CDC25A: variants seen among roughly 807,000 people sequenced by gnomAD.
The protein encoded by CDC25A is cell division cycle 25A.
CDC25A carries 17 observed loss-of-function variants against 64.6 expected under a neutral mutation model. The ratio of observed to expected loss-of-function variants is 0.26; its 90% CI spans 0.18 to 0.39. The LOEUF (loss-of-function observed/expected upper bound fraction) is 0.39, where lower values mean the gene tolerates loss of function less well. CDC25A is among the 10% of genes least tolerant of loss of function. The pLI, the probability that CDC25A is intolerant of heterozygous loss-of-function variation, is 1.00. For synonymous variants in CDC25A, 229 were observed against 238.6 expected (o/e 0.96, Z 0.37); for missense variants, 473 against 654.8 (o/e 0.72, Z 3.03).
chr3:48,163,472 C>T (rs1424715020), intron 13 of CDC25A, among the ~76,000 whole-genome samples: 2 of 149,934 alleles, frequency 1.3e-5, no homozygotes, highest in Non-Finnish European at 3.0e-5. Flanking sequence ...GGCGTGATGG[C>T]GCATGCCTGT....
At chr3:48,175,989 A>C (rs1232801215) in intron 8 of CDC25A, among the ~76,000 whole-genome samples, 1 of 152,140 alleles carries the variant, frequency 6.6e-6, no homozygotes, top group Non-Finnish European at 1.5e-5. Flanking sequence ...ACATAGTGAA[A>C]CCTCGTCTCT....
At chr3:48,160,211 C>T (rs972038210) in intron 13 of CDC25A, among the ~76,000 whole-genome samples, 1 of 152,104 alleles carries the variant, frequency 6.6e-6, no homozygotes, top group Non-Finnish European at 1.5e-5. Flanking sequence ...CTCCCGGGTT[C>T]AAGCAATTCT....
intron 9 of CDC25A, among the ~76,000 whole-genome samples, chr3:48,168,359 T>TCCAC (rs1553768353): frequency 2.0e-5 from 1 of 49,868 alleles, no homozygotes; most frequent in Non-Finnish European, 3.7e-5. Flanking sequence ...CAAGACCCTG[T>TCCAC]CCACACACAC....
At position 48,159,392 on chromosome 3, in the gene CDC25A, C is replaced by T; in HGVS notation, c.1386G>A (p.Glu462=). Residue 462 remains glutamate, a synonymous_variant, in exon 14 of 15, where the codon GAG becomes GAA. Transcript: ENST00000302506. Reference sequence around the variant, plus strand: ...TGTATCCCCCCTTCAGGACATACAGCTCAGGGTAGTGGAGTTTGGGGTATT... The same window carrying T: ...TGTATCCCCCCTTCAGGACATACAGTTCAGGGTAGTGGAGTTTGGGGTATT... ...GNEYPKLHYP[E]LYVLKGGYKE... 1 of 1,614,056 alleles carries T rather than the reference C, an allele frequency of 6.2e-7. No individual in the cohort carries two copies. The highest frequency in any genetic ancestry group is 8.5e-7 in the Non-Finnish European group (1 of 1,179,968).
intron 8 of CDC25A, among the ~76,000 whole-genome samples, chr3:48,175,197 T>C (rs1247462727): frequency 2.0e-5 from 3 of 152,138 alleles, no homozygotes; most frequent in Non-Finnish European, 2.9e-5. Flanking sequence ...CCCAGGAGGC[T>C]GAGGCACGAG....
At chr3:48,164,462 G>T (rs2031918007) in intron 12 of CDC25A, 25 bp from the exon 13 acceptor site, 1 of 1,486,192 alleles carries the variant, frequency 6.7e-7, no homozygotes, top group South Asian at 1.4e-5. Flanking sequence ...GAGACCCTTG[G>T]AACCTGCACG....
intron 2 of CDC25A, among the ~76,000 whole-genome samples, 182 bp from the exon 3 acceptor site, chr3:48,184,877 CAA>C (rs1156780846): frequency 1.3e-5 from 2 of 152,056 alleles, no homozygotes; most frequent in South Asian, 2.1e-4. Context: ...CATGTTTGTA[CAA>C]GTCTTAATAT....
rs2032916686 is a variant in CDC25A, at chr3:48,188,091, G to A, written c.-144C>T. The A allele has an allele frequency of 1.6e-6, 1 of 622,900 alleles. No homozygotes were observed. Among genetic ancestry groups the A allele is most frequent in the Non-Finnish European group, 2.3e-6 (1 of 439,510 alleles). 38.6% of individuals were successfully genotyped at this position (622,900 alleles called of 1,614,324 possible). A position where few individuals can be genotyped will look rare whatever the true frequency, so the allele number is the denominator to read the frequency against. On this transcript the variant is annotated 5_prime_UTR_variant, in exon 1 of 15. Coordinates refer to ENST00000302506, the MANE Select transcript of CDC25A (RefSeq NM_001789.3). ...ACACGACTCCGCGGTTCAGGGACGC[G>A]GCTGCCGCGGGCAAGCGGCGCGGCC...
In CDC25A at chr3:48,182,912, A is replaced by T. The variant is rs747229752; in HGVS notation, c.429+17T>A. The T allele has an allele frequency of 4.6e-6, 7 of 1,535,612 alleles. No individual in the cohort carries two copies. The South Asian group carries it at 6.7e-5, about 15-fold the overall frequency. On this transcript the variant is annotated intron_variant, in intron 5 of 14. Coordinates refer to ENST00000302506, the MANE Select transcript of CDC25A (RefSeq NM_001789.3). ...TTTCACCTCTGCCTCAGGTTAGTACATTGAAGTCACACTCACATTTTCCTT... is the reference window on the plus strand; with the variant it reads ...TTTCACCTCTGCCTCAGGTTAGTACTTTGAAGTCACACTCACATTTTCCTT...
intron 14 of CDC25A, 39 bp downstream of exon 14, chr3:48,159,305 G>A (rs1344683163): frequency 8.3e-6 from 12 of 1,442,074 alleles, no homozygotes; most frequent in East Asian, 2.3e-5. Flanking sequence ...ACCACTGGGG[G>A]CAGGGGAGGA....
chr3:48,169,210 G>GA (rs2032174588), intron 9 of CDC25A, among the ~76,000 whole-genome samples: 1 of 152,196 alleles, frequency 6.6e-6, no homozygotes, highest in Non-Finnish European at 1.5e-5. Context: ...TGTTTGATGA[G>GA]TGTAAGTTTC....
intron 1 of CDC25A, 36 bp downstream of exon 1, chr3:48,187,742 A>T (rs1309540395): frequency 3.9e-6 from 6 of 1,520,458 alleles, no homozygotes; most frequent in East Asian, 5.4e-5. Context: ...CACCGAGGCC[A>T]GGGGCCCGGA....
intron 9 of CDC25A, among the ~76,000 whole-genome samples, chr3:48,172,009 T>A (rs185376721): frequency 0.011 from 1,673 of 151,758 alleles, 17 homozygotes; most frequent in African/African-American, 0.017. Flanking sequence ...TAAAAAAAAA[T>A]TTTTTTTAAA....
At chr3:48,187,735 C>T in intron 1 of CDC25A, 43 bp downstream of exon 1, 1 of 1,515,452 alleles carries the variant, frequency 6.6e-7, no homozygotes, top group South Asian at 1.2e-5. Context: ...AGGCCGACAC[C>T]GAGGCCAGGG....
intron 13 of CDC25A, among the ~76,000 whole-genome samples, chr3:48,160,564 C>T (rs554653394): frequency 2.0e-5 from 3 of 152,018 alleles, no homozygotes; most frequent in Admixed American, 6.6e-5. Context: ...GTGTCCGCCA[C>T]CACGCCTGGC....
At chr3:48,186,544 G>T (rs1274758684) in intron 2 of CDC25A, among the ~76,000 whole-genome samples, 159 bp downstream of exon 2, 10 of 151,344 alleles carry the variant, frequency 6.6e-5, no homozygotes, top group Admixed American at 2.0e-4. Flanking sequence ...ACTCCAGCCT[G>T]GGCGACAAGA....
chr3:48,173,386 T>C (rs2032339136), intron 9 of CDC25A, among the ~76,000 whole-genome samples: 1 of 152,054 alleles, frequency 6.6e-6, no homozygotes, highest in Non-Finnish European at 1.5e-5. Context: ...AATAGATTTA[T>C]CCAGAAATAA....
rs2032788053 is a variant in CDC25A, at chr3:48,184,708, A to G, written c.248-13T>C. ...TCTAGACAGAAACCTATGGGGAAAA[A>G]AAAAACCTCTCAAGAAATAATACAA... On this transcript the variant is annotated splice_polypyrimidine_tract_variant and intron_variant, in intron 2 of 14. Transcript: ENST00000302506. The G allele has an allele frequency of 6.3e-7, 1 of 1,575,148 alleles. No homozygotes were observed.
At chr3:48,173,409 C>T (rs112349479) in intron 9 of CDC25A, among the ~76,000 whole-genome samples, 20 of 152,190 alleles carry the variant, frequency 1.3e-4, no homozygotes, top group South Asian at 4.1e-4. Flanking sequence ...AAATTAAAAA[C>T]GAATGAGTTA....
Sources: allele counts gnomAD v4.1 joint callset (sites outside exome capture counted in the v4.1 genomes callset), GRCh38; gene constraint gnomAD v4.1.1; transcripts MANE v1.5; gene names NCBI Gene and HGNC (gene_info 2026-07-23, HGNC 2026-07-21).